The following ZNF280C variants were observed in gnomAD, a reference collection of about 807,000 sequenced individuals.
ZNF280C encodes the protein zinc finger protein 280C.
In ZNF280C, 14 loss-of-function variants were observed where a neutral mutation model predicts 53.6. The ratio of observed to expected loss-of-function variants is 0.26; its 90% CI spans 0.17 to 0.41. The LOEUF is 0.41. Ranked by LOEUF, ZNF280C falls within the 10% of genes least tolerant of loss-of-function variation. ZNF280C has a pLI of 1.00. For missense variants in ZNF280C, 416 were observed against 547.1 expected (o/e 0.76, Z 2.39); for synonymous variants, 203 against 181.1 (o/e 1.12, Z -0.97).
chrX:130,257,156 A>C (rs746705585), intron 2 of ZNF280C, among the ~76,000 whole-genome samples: 1 of 92,573 alleles, frequency 1.1e-5, no homozygotes, highest in Non-Finnish European at 2.1e-5. Context: ...AGCCGAGATC[A>C]CGCCACTGCA....
rs747404690 is a variant in ZNF280C, at chrX:130,243,955, C to A, written c.179-90G>T. On this transcript the variant is annotated intron_variant, in intron 3 of 18. Transcript: ENST00000370978. ...CTCCAAAAACATATCTTTGCATAACCAATAATTGAAGTATATTTCTTTCCT... is the reference window on the plus strand; with the variant it reads ...CTCCAAAAACATATCTTTGCATAACAAATAATTGAAGTATATTTCTTTCCT... 51 of 550,213 alleles carry A rather than the reference C, an allele frequency of 9.3e-5. No homozygotes were observed. The South Asian group carries it at 1.1e-3, about 12-fold the overall frequency. 45.3% of individuals were successfully genotyped at this position (550,213 alleles called of 1,213,427 possible).
chrX:130,226,423 A>T (rs1291499506), intron 12 of ZNF280C, among the ~76,000 whole-genome samples: 2 of 111,693 alleles, frequency 1.8e-5, no homozygotes, highest in African/African-American at 6.5e-5. Flanking sequence ...CACCACCCTT[A>T]GGTCCTGAAA....
intron 13 of ZNF280C, among the ~76,000 whole-genome samples, chrX:130,219,908 T>G (rs1407258484): frequency 9.0e-6 from 1 of 110,788 alleles, no homozygotes; most frequent in Non-Finnish European, 1.9e-5. Context: ...GGTTAGAAGT[T>G]TTTCTTTACA....
At chrX:130,260,350 C>CTT in intron 2 of ZNF280C, 69 bp downstream of exon 2, 1 of 890,643 alleles carries the variant, frequency 1.1e-6, no homozygotes, top group Non-Finnish European at 1.5e-6. Context: ...TGTCTCTAAT[C>CTT]TTTTCTTTTG....
At chrX:130,257,689 CCTCT>C (rs1411958212) in intron 2 of ZNF280C, among the ~76,000 whole-genome samples, 1 of 111,133 alleles carries the variant, frequency 9.0e-6, no homozygotes, top group Non-Finnish European at 1.9e-5. Flanking sequence ...CCTATCTCTA[CCTCT>C]CTCTCTCTCC....
intron 2 of ZNF280C, among the ~76,000 whole-genome samples, chrX:130,257,367 C>T (rs1308172467): frequency 9.0e-6 from 1 of 111,080 alleles, no homozygotes; most frequent in African/African-American, 3.3e-5. Context: ...CACCCGTGAA[C>T]AGTATTACGG....
In ZNF280C at chrX:130,209,657, G is replaced by A; in HGVS notation, c.2038C>T (p.Leu680Phe). 8.3e-7 allele frequency: 1 copy of A among 1,202,462 alleles called. No homozygotes were observed. The change falls in exon 16 of 19, where the codon CTC becomes TTC. Residue 680 changes from leucine to phenylalanine, a missense_variant. Around this residue, in one of 3 missense-constraint regions of ZNF280C, gnomAD observed 151 missense variants for 176.9 expected, o/e 0.85. Transcript: ENST00000370978. Reference sequence around the variant, plus strand: ...AAAAAAAAGATCAATGATTACCTGAGAGTTCCTGAATGCTTCTTGAAAATA... The same window carrying A: ...AAAAAAAAGATCAATGATTACCTGAAAGTTCCTGAATGCTTCTTGAAAATA... Reference protein sequence around the residue: ...FCIFKKHSGTLRGITLVCLKC... With the variant: ...FCIFKKHSGTFRGITLVCLKC...
chrX:130,229,541 A>G, intron 9 of ZNF280C, among the ~76,000 whole-genome samples: 1 of 112,436 alleles, frequency 8.9e-6, no homozygotes, highest in Non-Finnish European at 1.9e-5. Context: ...GAAGAGACAA[A>G]TCTTTGAAAG....
chrX:130,250,188 A>C (rs1603245142), intron 2 of ZNF280C, among the ~76,000 whole-genome samples: 3 of 111,797 alleles, frequency 2.7e-5, no homozygotes, highest in African/African-American at 9.7e-5. Flanking sequence ...CATCAAAAAG[A>C]CAGATCTCAA....
In ZNF280C at chrX:130,236,199, T is replaced by C; in HGVS notation, c.771+15A>G. Reference sequence around the variant, plus strand: ...TAAAACATTTTTAACAATTGAACTTTGAAAAAAGTTTTACCTTCATGTGGT... The same window carrying C: ...TAAAACATTTTTAACAATTGAACTTCGAAAAAAGTTTTACCTTCATGTGGT... On this transcript the variant is annotated intron_variant, in intron 8 of 18. Coordinates refer to ENST00000370978, the MANE Select transcript of ZNF280C (RefSeq NM_017666.5). 3 of 1,133,334 alleles carry C rather than the reference T, an allele frequency of 2.6e-6. No individual in the cohort carries two copies. Among genetic ancestry groups the C allele is most frequent in the Non-Finnish European group, 3.6e-6 (3 of 837,308 alleles). 93.4% of individuals were successfully genotyped at this position (1,133,334 alleles called of 1,213,427 possible).
At chrX:130,218,785 T>G (rs766709259) in intron 13 of ZNF280C, among the ~76,000 whole-genome samples, 2 of 111,948 alleles carry the variant, frequency 1.8e-5, no homozygotes, top group East Asian at 5.6e-4. Context: ...CTTGTCTATA[T>G]CACTGGATCA....
At chrX:130,251,282 CAAAAAAA>C (rs61571389) in intron 2 of ZNF280C, among the ~76,000 whole-genome samples, 6 of 15,337 alleles carry the variant, frequency 3.9e-4, no homozygotes, top group Admixed American at 1.0e-3. Context: ...GGACCTGTCT[CAAAAAAA>C]AAAAAAAAAA....
intron 1 of ZNF280C, among the ~76,000 whole-genome samples, chrX:130,264,219 C>A (rs897155568): frequency 1.8e-5 from 2 of 110,799 alleles, no homozygotes; most frequent in Admixed American, 9.6e-5. Context: ...CTGATGATAC[C>A]ATTTAAATAC....
intron 12 of ZNF280C, among the ~76,000 whole-genome samples, chrX:130,226,169 T>C (rs1045410461): frequency 2.7e-5 from 3 of 112,491 alleles, no homozygotes; most frequent in African/African-American, 9.7e-5. Context: ...TTCTCTAGTA[T>C]AGTTCACATA....
chrX:130,252,954 T>C (rs781723492), intron 2 of ZNF280C, among the ~76,000 whole-genome samples: 6 of 111,475 alleles, frequency 5.4e-5, no homozygotes, highest in African/African-American at 2.0e-4. Context: ...GGCATCCACA[T>C]AGGAAGACAG....
intron 6 of ZNF280C, among the ~76,000 whole-genome samples, chrX:130,238,184 T>C (rs751360257): frequency 9.1e-4 from 102 of 111,556 alleles, no homozygotes; most frequent in Non-Finnish European, 1.0e-3. Flanking sequence ...CTTCTGAACA[T>C]ATAGCACATA....
chrX:130,204,866 T>C lies in ZNF280C; in HGVS notation c.*111A>G. ...AGCTGAATAATGAGAGCTAGTGTCA[T>C]AAACTTGGCTGTTTAACTGCCCTTT... is the stretch of plus-strand genomic sequence containing the variant. On this transcript the variant is annotated 3_prime_UTR_variant, in exon 19 of 19. Coordinates refer to ENST00000370978, the MANE Select transcript of ZNF280C (RefSeq NM_017666.5). The C allele has an allele frequency of 1.5e-6, 1 of 659,359 alleles. No individual in the cohort carries two copies. Among genetic ancestry groups the C allele is most frequent in the Non-Finnish European group, 2.2e-6 (1 of 461,822 alleles). 54.3% of individuals were successfully genotyped at this position (659,359 alleles called of 1,213,427 possible).
At chrX:130,265,963 C>T (rs1434152606) in intron 1 of ZNF280C, among the ~76,000 whole-genome samples, 1 of 111,443 alleles carries the variant, frequency 9.0e-6, no homozygotes, top group Admixed American at 9.6e-5. Context: ...CTCTTTTATC[C>T]CAGGATTTCT....
intron 12 of ZNF280C, 148 bp downstream of exon 12, chrX:130,226,611 A>G (rs1484314247): frequency 2.1e-6 from 1 of 476,498 alleles, no homozygotes; most frequent in Non-Finnish European, 3.2e-6. Context: ...TAATTGTGTC[A>G]TTCAGAACAA....
Sources: gnomAD v4.1 joint callset for allele counts (sites outside exome capture counted in the v4.1 genomes callset) on GRCh38, gnomAD v4.1.1 for gene constraint, gnomAD v4.1.1 regional missense constraint, MANE v1.5 for transcripts, NCBI Gene and HGNC (gene_info 2026-07-23, HGNC 2026-07-21) for gene names.